GRID1: variants seen among roughly 807,000 people sequenced by gnomAD.
GRID1 encodes glutamate ionotropic receptor delta type subunit 1.
GRID1 carries 28 observed loss-of-function variants against 98.0 expected under a neutral mutation model. That is an observed-to-expected ratio of 0.29 (90% confidence interval 0.21 to 0.39). The LOEUF (loss-of-function observed/expected upper bound fraction) is 0.39. GRID1 is among the 10% of genes least tolerant of loss of function. The probability of loss-of-function intolerance (pLI) is 1.00; values close to 1 mark genes in which losing one functional copy is unlikely to be tolerated. For missense variants in GRID1, 1,111 were observed against 1,340.5 expected (o/e 0.83, Z 2.67); for synonymous variants, 553 against 538.5 (o/e 1.03, Z -0.37).
At chr10:86,260,407 C>T (rs937195826) in intron 2 of GRID1, among the ~76,000 whole-genome samples, 1 of 152,226 alleles carries the variant, frequency 6.6e-6, no homozygotes, top group African/African-American at 2.4e-5. Context: ...ATTTACAAGC[C>T]AGATCTGCCT....
At chr10:86,042,230 G>C (rs1843357135) in intron 4 of GRID1, among the ~76,000 whole-genome samples, 1 of 152,240 alleles carries the variant, frequency 6.6e-6, no homozygotes, top group African/African-American at 2.4e-5. Context: ...CCCTGGGACA[G>C]ACAGGAGGTT....
intron 12 of GRID1, among the ~76,000 whole-genome samples, chr10:85,667,171 C>G (rs778047317): frequency 2.6e-4 from 40 of 152,196 alleles, no homozygotes; most frequent in Non-Finnish European, 5.0e-4. Context: ...CAGTGTAAAT[C>G]TGCACCCACA....
At position 86,122,937 on chromosome 10, in the gene GRID1, C is replaced by T. The variant is rs12255530; in HGVS notation, c.726+15882G>A. Among the ~76,000 whole-genome samples the T allele has an allele frequency of 8.1e-3, 1,227 of 152,318 alleles. 20 individuals are homozygous for T. The highest frequency in any genetic ancestry group is 0.028 in the African/African-American group (1,178 of 41,556). ...CCCTGCCGTGCAGGCCTGGGCAGTG[C>T]TCAAGTCCAGAGTCCAGGGACACAG... On this transcript the variant is annotated intron_variant, in intron 4 of 15. Coordinates refer to ENST00000327946, the MANE Select transcript of GRID1 (RefSeq NM_017551.3).
At chr10:86,043,330 A>C (rs1843373987) in intron 4 of GRID1, among the ~76,000 whole-genome samples, 1 of 152,218 alleles carries the variant, frequency 6.6e-6, no homozygotes, top group Non-Finnish European at 1.5e-5. Flanking sequence ...AGACACTGGA[A>C]AAGAGCTCCC....
chr10:86,321,551 G>A (rs190398351), intron 2 of GRID1, among the ~76,000 whole-genome samples: 30 of 152,274 alleles, frequency 2.0e-4, no homozygotes, highest in East Asian at 7.7e-4. Context: ...TGATGGGTTC[G>A]GATTGGAAAT....
In GRID1 at chr10:86,206,378, T is replaced by C; in HGVS notation, c.506A>G (p.Tyr169Cys). 1 of 1,604,334 alleles carries C rather than the reference T, an allele frequency of 6.2e-7. No homozygotes were observed. The highest frequency in any genetic ancestry group is 8.5e-7 in the Non-Finnish European group (1 of 1,172,732). ...ELRWQKFVMF[Y>C]DSEYDIRGLQ... Reference sequence around the variant, plus strand: ...GGACAACTCACCATACTCGCTGTCGTAGAACATGACGAACTTCTGCCAGCG... The same window carrying C: ...GGACAACTCACCATACTCGCTGTCGCAGAACATGACGAACTTCTGCCAGCG... The change falls in exon 3 of 16, where the codon TAC (tyrosine) becomes TGC (cysteine). Residue 169 changes from tyrosine (Y) to cysteine (C), a missense_variant. Physicochemically the swap from Tyr to Cys is radical, Grantham distance 194. This residue lies in a region of GRID1 where 346 missense variants were observed against 452.3 expected (regional missense o/e 0.76). Coordinates refer to ENST00000327946, the MANE Select transcript of GRID1 (RefSeq NM_017551.3). This position sits in a 1 kb window ranked among gnomAD's most constrained non-coding sequence, Gnocchi z 4.1.
rs150106917 is a variant in GRID1 at position 86,135,172 on chromosome 10, A to C, written c.726+3647T>G. 7.5e-3 allele frequency among the ~76,000 whole-genome samples: 1,142 copies of C among 152,320 alleles called. 14 individuals are homozygous for C. The highest frequency in any genetic ancestry group is 0.012 in the Non-Finnish European group (823 of 68,026). On this transcript the variant is annotated intron_variant, in intron 4 of 15. Transcript: ENST00000327946. ...GTGAGGAAGCTGATGGGCTTGCATG[A>C]GGAGAACATCATAGGTAGTTGTCAC...
At chr10:85,749,406 C>G (rs142524184) in intron 8 of GRID1, among the ~76,000 whole-genome samples, 217 of 152,274 alleles carry the variant, frequency 1.4e-3, no homozygotes, top group African/African-American at 4.9e-3. Flanking sequence ...TAGAGAAACA[C>G]CTGGCCACAT....
intron 8 of GRID1, among the ~76,000 whole-genome samples, chr10:85,748,656 A>G (rs753204286): frequency 6.6e-5 from 10 of 152,126 alleles, no homozygotes; most frequent in Non-Finnish European, 1.5e-4. Context: ...CATTGATAGC[A>G]GGTCCTCGTG....
intron 4 of GRID1, among the ~76,000 whole-genome samples, chr10:85,948,515 G>A (rs1448012103): frequency 6.6e-6 from 1 of 152,184 alleles, no homozygotes; most frequent in Non-Finnish European, 1.5e-5. Flanking sequence ...ATAAGGATGT[G>A]TAGATAATTT....
At chr10:86,165,204 C>T (rs1845381761) in intron 3 of GRID1, among the ~76,000 whole-genome samples, 1 of 152,156 alleles carries the variant, frequency 6.6e-6, no homozygotes. Context: ...TCCCATGCTC[C>T]TTTATTACAT....
chr10:85,800,469 T>A (rs376242063), intron 8 of GRID1, among the ~76,000 whole-genome samples: 1 of 152,012 alleles, frequency 6.6e-6, no homozygotes, highest in African/African-American at 2.4e-5. Context: ...TCCAAGATCA[T>A]AGAAAAATCC....
intron 12 of GRID1, among the ~76,000 whole-genome samples, chr10:85,716,606 G>A (rs979167308): frequency 6.7e-6 from 1 of 148,190 alleles, no homozygotes; most frequent in Admixed American, 6.8e-5. Context: ...TATTATATAT[G>A]TACATATATA....
intron 13 of GRID1, among the ~76,000 whole-genome samples, chr10:85,623,316 C>A (rs1842877500): frequency 6.6e-6 from 1 of 152,176 alleles, no homozygotes; most frequent in African/African-American, 2.4e-5. Context: ...GACACCAGCT[C>A]TAAGAAGTTA....
intron 4 of GRID1, among the ~76,000 whole-genome samples, chr10:85,933,914 A>C (rs1172410763): frequency 1.3e-5 from 2 of 152,254 alleles, no homozygotes; most frequent in Non-Finnish European, 2.9e-5. Context: ...ACTTTGATCA[A>C]CACATCTTTC....
rs1310381493 is a variant in GRID1 at position 85,988,619 on chromosome 10, T to G, written c.727-72380A>C. Among the ~76,000 whole-genome samples, 9 of 152,242 alleles carry G rather than the reference T, an allele frequency of 5.9e-5. No individual in the cohort carries two copies. In the East Asian group the frequency reaches 1.7e-3, roughly 29 times the overall value. ...CCGTTGCCCATAGGGGATGAACAGC[T>G]CAAGCACTAAGTTCCCGGGCCTCGG... On this transcript the variant is annotated intron_variant, in intron 4 of 15. Coordinates refer to ENST00000327946, the MANE Select transcript of GRID1 (RefSeq NM_017551.3).
chr10:86,366,407 C>A lies in GRID1; in HGVS notation c.-15G>T, dbSNP rs763055721. On this transcript the variant is annotated 5_prime_UTR_variant, in exon 1 of 16. Transcript: ENST00000327946. The surrounding 1 kb of genome is among the most constrained non-coding windows in gnomAD (Gnocchi z 4.1). ...AGCGCTTCCATGTCCCCCGGGCGCG[C>A]GGCTCATCCACCCGGGCCCGGGGCG... is the stretch of plus-strand genomic sequence containing the variant. 1.2e-5 allele frequency: 18 copies of A among 1,485,422 alleles called. 1 individual carries two copies. In the South Asian group the frequency reaches 2.3e-4, roughly 19 times the overall value. 92.0% of individuals were successfully genotyped at this position (1,485,422 alleles called of 1,614,324 possible).
At chr10:86,218,542 G>A (rs1000588193) in intron 2 of GRID1, among the ~76,000 whole-genome samples, 1 of 152,130 alleles carries the variant, frequency 6.6e-6, no homozygotes, top group Non-Finnish European at 1.5e-5. Context: ...GACTTCCCAG[G>A]GCAACCTCCA....
At chr10:86,171,038 C>T (rs1319950743) in intron 3 of GRID1, among the ~76,000 whole-genome samples, 1 of 152,146 alleles carries the variant, frequency 6.6e-6, no homozygotes, top group Non-Finnish European at 1.5e-5. Flanking sequence ...TCTCAGACTT[C>T]AAGGCATACT....
Sources: allele counts gnomAD v4.1 joint callset (sites outside exome capture counted in the v4.1 genomes callset), GRCh38; gene constraint gnomAD v4.1.1; regional missense constraint gnomAD v4.1.1; non-coding constraint Gnocchi (gnomAD v3.1); transcripts MANE v1.5; gene names NCBI Gene and HGNC (gene_info 2026-07-23, HGNC 2026-07-21).